Variants in SLC9C2 observed in about 807,000 individuals in gnomAD.
SLC9C2 encodes the protein solute carrier family 9 member C2 (putative).
SLC9C2 carries 75 observed loss-of-function variants against 140.2 expected under a neutral mutation model. That is an observed-to-expected ratio of 0.53 (90% CI 0.44 to 0.65). The LOEUF is 0.65. Among genes scored for constraint, SLC9C2 ranks in the 30% least tolerant of loss-of-function variants. SLC9C2 has a pLI of 0.00. For missense variants in SLC9C2, 1,074 were observed against 1,331.8 expected, an observed-to-expected ratio of 0.81 and a Z score of 3.01; for synonymous variants, 375 against 420.9, an observed-to-expected ratio of 0.89 and a Z score of 1.34.
At chr1:173,559,154 T>C (rs960719500) in intron 9 of SLC9C2, among the ~76,000 whole-genome samples, 7 of 152,234 alleles carry the variant, frequency 4.6e-5, no homozygotes, top group African/African-American at 1.4e-4. Context: ...AAATGTTAAC[T>C]TTCAAATGGA....
In SLC9C2 at chr1:173,553,685, T is replaced by C. The variant is rs187072015; in HGVS notation, c.1297+1048A>G. ...TTGATTATAATTGACTACAGTATAGTGTAAACACAACTTTTATATGTACTG... is the reference window on the plus strand; with the variant it reads ...TTGATTATAATTGACTACAGTATAGCGTAAACACAACTTTTATATGTACTG... On this transcript the variant is annotated intron_variant, in intron 11 of 27. Coordinates refer to ENST00000367714, the MANE Select transcript of SLC9C2 (RefSeq NM_178527.4). Among the ~76,000 whole-genome samples the C allele has an allele frequency of 3.9e-5, 6 of 152,386 alleles. No individual in the cohort carries two copies. The East Asian group carries it at 1.2e-3, about 29-fold the overall frequency.
rs775701561 is a variant in SLC9C2, at chr1:173,524,938, GAAAAT to G, written c.2366-16_2366-12del. On this transcript the variant is annotated splice_polypyrimidine_tract_variant and intron_variant, in intron 19 of 27. Transcript: ENST00000367714. ...CATGCTCCATGAGTACTACAGCAAA[GAAAAT>G]AAAATTCAGTAAGTGGCCTATGCAA... 4.3e-6 allele frequency: 7 copies of G among 1,611,644 alleles called. No homozygotes were observed. The highest frequency in any genetic ancestry group is 5.1e-6 in the Non-Finnish European group (6 of 1,178,846).
At chr1:173,545,568 A>G (rs925787217) in intron 13 of SLC9C2, among the ~76,000 whole-genome samples, 2 of 152,150 alleles carry the variant, frequency 1.3e-5, no homozygotes, top group Non-Finnish European at 2.9e-5. Flanking sequence ...TTTTTAGTTC[A>G]CAGGTATCTA....
chr1:173,600,116 C>G lies in SLC9C2; in HGVS notation c.228+1G>C, dbSNP rs747255338. On this transcript the variant is annotated splice_donor_variant, in intron 3 of 27. Transcript: ENST00000367714. LOFTEE classifies it high-confidence loss of function. ...TCTCTAATTTATTGTACATACAGTA[C>G]CTCAACAGAATTGTAGGCCATGTGT... 2.5e-6 allele frequency: 4 copies of G among 1,589,194 alleles called. No individual in the cohort carries two copies. The African/African-American group carries it at 5.4e-5, about 21-fold the overall frequency.
At chr1:173,554,948 G>T in intron 10 of SLC9C2, 134 bp from the exon 11 acceptor site, 1 of 646,008 alleles carries the variant, frequency 1.5e-6, no homozygotes, top group Non-Finnish European at 2.7e-6. Flanking sequence ...TTTCTGATAA[G>T]TCAGTTAAGG....
rs746733038 is a variant in SLC9C2, at chr1:173,574,505, C to CTTT, written c.903-1183_903-1181dup. ...ATGGAATAACTGACTGAGTTAAGTA[C>CTTT]TTTTTTTTTTTTTTTTTTTTTTGAG... On this transcript the variant is annotated intron_variant, in intron 8 of 27. Coordinates refer to ENST00000367714, the MANE Select transcript of SLC9C2 (RefSeq NM_178527.4). Among the ~76,000 whole-genome samples the CTTT allele has an allele frequency of 4.5e-3, 467 of 104,782 alleles. 17 individuals are homozygous for CTTT. The highest frequency in any genetic ancestry group is 0.015 in the African/African-American group (362 of 24,052). The allele number at this position is 104,782 out of a possible 152,430, so 68.7% of individuals were successfully genotyped here.
rs1326345702 is a variant in SLC9C2, at chr1:173,509,610, G to A, written c.2997C>T (p.Leu999=). The A allele has an allele frequency of 6.3e-7, 1 of 1,595,868 alleles. No homozygotes were observed. Among genetic ancestry groups the A allele is most frequent in the Non-Finnish European group, 8.5e-7 (1 of 1,174,258 alleles). Residue 999 remains leucine, a synonymous_variant, in exon 24 of 28, where the codon CTC becomes CTT. Coordinates refer to ENST00000367714, the MANE Select transcript of SLC9C2 (RefSeq NM_178527.4). ...ATTCAAAATACTGATAGGCAGTACT[G>A]AGAGCAAGCTTTAGCCATATTTTAT... ...LEYKIWLKLA[L]STAYQYFESS... is the part of the protein sequence containing the mutation.
At chr1:173,529,805 G>C in intron 18 of SLC9C2, 100 bp downstream of exon 18, 1 of 1,330,170 alleles carries the variant, frequency 7.5e-7, no homozygotes, top group South Asian at 1.5e-5. Flanking sequence ...TCAACTGTTG[G>C]AATTTGTCTG....
intron 1 of SLC9C2, among the ~76,000 whole-genome samples, chr1:173,602,260 G>T (rs1666831872): frequency 6.6e-6 from 1 of 152,128 alleles, no homozygotes; most frequent in Non-Finnish European, 1.5e-5. Context: ...GGGGGAAGGA[G>T]CATGGATAAA....
In SLC9C2 at chr1:173,601,718, T is replaced by G. The variant is rs1220072760; in HGVS notation, c.59A>C (p.Gln20Pro). Residue 20 changes from glutamine to proline, a missense_variant, in exon 2 of 28, where the codon CAG (glutamine) becomes CCG (proline). Gln to Pro is a moderately conservative substitution (Grantham distance 76). Transcript: ENST00000367714. ...CTCTTCAACAAGGTAGTCAGCTGGCTGCCCGCAGAGTAAATCAGGTCTGTT... is the reference window on the plus strand; with the variant it reads ...CTCTTCAACAAGGTAGTCAGCTGGCGGCCCGCAGAGTAAATCAGGTCTGTT... ...ESNRPDLLCG[Q>P]PADYLVEEKH... 1.2e-6 allele frequency: 2 copies of G among 1,614,158 alleles called. No individual in the cohort carries two copies. Among genetic ancestry groups the G allele is most frequent in the Non-Finnish European group, 1.7e-6 (2 of 1,179,990 alleles).
intron 17 of SLC9C2, among the ~76,000 whole-genome samples, chr1:173,531,815 G>T (rs1547154): frequency 0.51 from 77,296 of 152,032 alleles, 21,368 homozygotes; most frequent in East Asian, 0.95. Context: ...CACGAAGTAT[G>T]ACTTCTAAAA....
intron 22 of SLC9C2, among the ~76,000 whole-genome samples, chr1:173,519,409 C>G (rs1660648394): frequency 6.6e-6 from 1 of 152,184 alleles, no homozygotes. Flanking sequence ...CTACTGACAT[C>G]TAGATTTCAG....
chr1:173,600,708 T>C (rs138428968), intron 2 of SLC9C2, among the ~76,000 whole-genome samples: 1 of 152,362 alleles, frequency 6.6e-6, no homozygotes, highest in African/African-American at 2.4e-5. Context: ...TTTTACACTC[T>C]TTCTGCAATG....
chr1:173,510,601 C>T (rs1390596218), intron 23 of SLC9C2, among the ~76,000 whole-genome samples: 2 of 152,134 alleles, frequency 1.3e-5, no homozygotes, highest in East Asian at 1.9e-4. Context: ...TTTTCTGTTC[C>T]TGTGTAAGTT....
chr1:173,536,024 G>A, intron 14 of SLC9C2, 75 bp from the exon 15 acceptor site: 1 of 1,288,810 alleles, frequency 7.8e-7, no homozygotes, highest in South Asian at 1.4e-5. Context: ...AAAAGGGGAA[G>A]GTGTACTAAG....
chr1:173,570,851 CCCTT>C (rs1257031939), intron 9 of SLC9C2, among the ~76,000 whole-genome samples: 3 of 151,992 alleles, frequency 2.0e-5, no homozygotes, highest in Non-Finnish European at 2.9e-5. Context: ...GCTGTGGTCT[CCCTT>C]CCCCAAGTGC....
intron 24 of SLC9C2, 92 bp from the exon 25 acceptor site, chr1:173,507,133 T>C: frequency 9.4e-7 from 1 of 1,061,576 alleles, no homozygotes; most frequent in Non-Finnish European, 1.4e-6. Flanking sequence ...CTGAATTATT[T>C]GAGGGTGTCA....
intron 8 of SLC9C2, among the ~76,000 whole-genome samples, chr1:173,574,515 T>TTC (rs1291070383): frequency 6.8e-6 from 1 of 146,182 alleles, no homozygotes; most frequent in East Asian, 2.0e-4. Flanking sequence ...CTTTTTTTTT[T>TTC]TTTTTTTTTT....
intron 9 of SLC9C2, among the ~76,000 whole-genome samples, chr1:173,564,968 C>CT (rs564120430): frequency 0.27 from 30,783 of 113,612 alleles, 4,984 homozygotes; most frequent in East Asian, 0.62. Flanking sequence ...TTTTCTTTTT[C>CT]TTTTTTTTTT....
Sources: allele counts gnomAD v4.1 joint callset (sites outside exome capture counted in the v4.1 genomes callset), GRCh38; gene constraint gnomAD v4.1.1; transcripts MANE v1.5; gene names NCBI Gene and HGNC (gene_info 2026-07-23, HGNC 2026-07-21).